The following MEG3 variants were observed in gnomAD, a reference collection of about 807,000 sequenced individuals.
The protein encoded by MEG3 is Very putative protein from MEG3 locus.
At chr14:100,831,400 T>C (rs753788023), downstream of MEG3, 1 of 152,652 alleles carries the variant, frequency 6.6e-6, no homozygotes, top group African/African-American at 2.4e-5. Context: ...GCCACTACAG[T>C]CTCTGTCTTT....
intron 2 of MEG3, among the ~76,000 whole-genome samples, chr14:100,844,891 A>G (rs140005365): frequency 3.8e-4 from 58 of 152,374 alleles, no homozygotes; most frequent in African/African-American, 1.3e-3. Flanking sequence ...GTGCCTGGCC[A>G]TGGTGCTTCC....
exon 2 of MEG3, chr14:100,860,770 C>T (rs753432828): frequency 4.4e-6 from 2 of 453,578 alleles, no homozygotes; most frequent in South Asian, 3.1e-5. Context: ...GGGGCCTCCC[C>T]TTGAGTAGAG....
chr14:100,859,729 G>A (rs925478114), exon 1 of MEG3: 2 of 152,198 alleles, frequency 1.3e-5, no homozygotes, highest in African/African-American at 2.4e-5. Context: ...CCCAAAGAAT[G>A]GTACATGGGT....
At chr14:100,860,580 G>A (rs555322829) in intron 1 of MEG3, 127 of 448,362 alleles carry the variant, frequency 2.8e-4, no homozygotes, top group South Asian at 1.9e-3. Context: ...CGTGAGCAGG[G>A]ACTTGCTCTC....
At chr14:100,830,759 A>G (rs1406258515), downstream of MEG3, 4 of 152,214 alleles carry the variant, frequency 2.6e-5, no homozygotes, top group Non-Finnish European at 4.4e-5. Flanking sequence ...TAAGCCAACC[A>G]GTTTTGTCCG....
rs1389720548 is a variant in MEG3, at chr14:100,837,513, C to T, written n.3045+1213C>T. Among the ~76,000 whole-genome samples, 1 of 152,062 alleles carries T rather than the reference C, an allele frequency of 6.6e-6. No homozygotes were observed. The highest frequency in any genetic ancestry group is 1.9e-4 in the East Asian group (1 of 5,168). On this transcript the variant is annotated intron_variant and non_coding_transcript_variant, in intron 2 of 3. Transcript: ENST00000398461. This position sits in a 1 kb window ranked among gnomAD's most constrained non-coding sequence, Gnocchi z 5.8. ...GGCTTGAGGGGGCCCTAGCACTGTCCTTGGCCCAGATGCCAATACTCCCCT... is the reference window on the plus strand; with the variant it reads ...GGCTTGAGGGGGCCCTAGCACTGTCTTTGGCCCAGATGCCAATACTCCCCT...
chr14:100,844,097 G>A (rs558803714), intron 2 of MEG3, among the ~76,000 whole-genome samples: 12 of 152,222 alleles, frequency 7.9e-5, no homozygotes, highest in African/African-American at 1.4e-4. Context: ...CTCCCAAAGC[G>A]CTGGGATGAC....
At chr14:100,849,725 A>G (rs2038013996) in intron 3 of MEG3, 1 of 152,192 alleles carries the variant, frequency 6.6e-6, no homozygotes, top group Non-Finnish European at 1.5e-5. Context: ...CTGAAGATGG[A>G]TGAGATAATC....
At chr14:100,842,476 G>A (rs768050377) in intron 2 of MEG3, among the ~76,000 whole-genome samples, 11 of 152,174 alleles carry the variant, frequency 7.2e-5, no homozygotes, top group Non-Finnish European at 1.3e-4. Flanking sequence ...GGTCTGTAAT[G>A]TCCAGGGCCC....
chr14:100,837,624 C>G lies in MEG3; in HGVS notation n.3045+1324C>G, dbSNP rs1035339225. On this transcript the variant is annotated intron_variant and non_coding_transcript_variant, in intron 2 of 3. Transcript: ENST00000398461. The surrounding 1 kb of genome is among the most constrained non-coding windows in gnomAD (Gnocchi z 5.8). ...TGGGGCCCAGCCTCTAGTCCTCAGCCATGTGCACGCATCAGCCCTTGTGCA... is the reference window on the plus strand; with the variant it reads ...TGGGGCCCAGCCTCTAGTCCTCAGCGATGTGCACGCATCAGCCCTTGTGCA... Among the ~76,000 whole-genome samples the G allele has an allele frequency of 1.3e-5, 2 of 152,086 alleles. No homozygotes were observed. Among genetic ancestry groups the G allele is most frequent in the East Asian group, 3.9e-4 (2 of 5,168 alleles).
downstream of MEG3, chr14:100,833,238 A>G (rs1205918888): frequency 6.6e-6 from 1 of 152,194 alleles, no homozygotes; most frequent in East Asian, 1.9e-4. Context: ...TAAAACTCAC[A>G]TCTGGGAGTC....
exon 1 of MEG3, chr14:100,834,833 G>C (rs2037512005): frequency 2.2e-6 from 1 of 456,416 alleles, no homozygotes; most frequent in Admixed American, 2.4e-5. Flanking sequence ...AAGGCTGGAG[G>C]GTGGAATTCA....
chr14:100,832,520 T>G (rs915262982), downstream of MEG3: 1 of 152,608 alleles, frequency 6.6e-6, no homozygotes, highest in African/African-American at 2.4e-5. Flanking sequence ...AGGGCTAATC[T>G]CGGGCCTTGT....
intron 2 of MEG3, among the ~76,000 whole-genome samples, chr14:100,841,663 T>G (rs1456278104): frequency 6.6e-6 from 1 of 152,036 alleles, no homozygotes; most frequent in Non-Finnish European, 1.5e-5. Context: ...TCACCGGTCA[T>G]TAGTGTGGGT....
chr14:100,827,014 G>A (rs2037253190), intron 1 of MEG3, among the ~76,000 whole-genome samples: 1 of 151,996 alleles, frequency 6.6e-6, no homozygotes, highest in Non-Finnish European at 1.5e-5. Flanking sequence ...CCTTGGGTCT[G>A]GGAAGAGGGA....
At chr14:100,843,581 AAGGGCAAGGCC>A (rs1040686547) in intron 2 of MEG3, among the ~76,000 whole-genome samples, 3 of 152,318 alleles carry the variant, frequency 2.0e-5, no homozygotes, top group African/African-American at 7.2e-5. Flanking sequence ...AGGGTTTATG[AAGGGCAAGGCC>A]AGGGAAGGAG....
downstream of MEG3, chr14:100,832,313 G>C (rs974175456): frequency 6.6e-6 from 1 of 152,094 alleles, no homozygotes; most frequent in Non-Finnish European, 1.5e-5. Flanking sequence ...CTTCCATCGA[G>C]TTTAACCTCT....
At chr14:100,860,487 T>C (rs1366123415) in intron 1 of MEG3, 3 of 373,382 alleles carry the variant, frequency 8.0e-6, no homozygotes, top group East Asian at 1.5e-4. Context: ...TAGGGCAGGG[T>C]ACGCCAGAAG....
intron 2 of MEG3, among the ~76,000 whole-genome samples, chr14:100,838,662 G>A (rs1236982053): frequency 2.0e-5 from 3 of 152,224 alleles, no homozygotes; most frequent in East Asian, 1.9e-4. Flanking sequence ...ATTTGTCATC[G>A]TGCTGATTCC....
Sources: gnomAD v4.1 joint callset for allele counts (sites outside exome capture counted in the v4.1 genomes callset) on GRCh38, gnomAD v4.1.1 for gene constraint, Gnocchi (gnomAD v3.1) non-coding constraint, MANE v1.5 for transcripts, NCBI Gene and HGNC (gene_info 2026-07-23, HGNC 2026-07-21) for gene names.